INTS9: variants seen among roughly 807,000 people sequenced by gnomAD.
INTS9 encodes integrator complex subunit 9.
A neutral mutation model predicts 79.7 loss-of-function variants in INTS9; 55 were observed. The ratio of observed to expected loss-of-function variants is 0.69; its 90% CI spans 0.56 to 0.86. INTS9 has a LOEUF of 0.86. INTS9 is among the 40% of genes least tolerant of loss of function. The pLI, the probability that INTS9 is intolerant of heterozygous loss-of-function variation, is 0.00. For missense variants in INTS9, 721 were observed against 831.5 expected (o/e 0.87, Z 1.64); for synonymous variants, 319 against 325.2 (o/e 0.98, Z 0.20).
intron 6 of INTS9, among the ~76,000 whole-genome samples, chr8:28,823,679 TGAG>T (rs1346732808): frequency 4.6e-5 from 7 of 152,048 alleles, no homozygotes; most frequent in African/African-American, 1.7e-4. Context: ...ACAAACATAT[TGAG>T]GAGAGACAAG....
intron 12 of INTS9, among the ~76,000 whole-genome samples, chr8:28,779,659 T>C (rs535924118): frequency 6.6e-6 from 1 of 152,328 alleles, no homozygotes; most frequent in African/African-American, 2.4e-5. Context: ...CGCGAACACC[T>C]GCGCATCACC....
chr8:28,858,789 T>A (rs1808303743), intron 2 of INTS9, among the ~76,000 whole-genome samples: 1 of 152,368 alleles, frequency 6.6e-6, no homozygotes, highest in African/African-American at 2.4e-5. Context: ...CTTTTCCATA[T>A]CCTATCTTGT....
At chr8:28,780,334 C>G (rs1054925401) in intron 12 of INTS9, 1 of 977,258 alleles carries the variant, frequency 1.0e-6, no homozygotes, top group Admixed American at 6.4e-5. Flanking sequence ...ATTCAAAGGG[C>G]TGGGCACGCT....
chr8:28,853,528 A>T (rs1018016525), intron 2 of INTS9, among the ~76,000 whole-genome samples: 1 of 152,148 alleles, frequency 6.6e-6, no homozygotes, highest in Non-Finnish European at 1.5e-5. Flanking sequence ...TTTTACTAAC[A>T]TTTCTTAGGA....
chr8:28,882,457 A>AT (rs1262897320), intron 1 of INTS9, among the ~76,000 whole-genome samples: 4 of 145,718 alleles, frequency 2.7e-5, no homozygotes, highest in Admixed American at 1.4e-4. Flanking sequence ...AGAATGATCA[A>AT]TAAAAAAAAA....
intron 1 of INTS9, among the ~76,000 whole-genome samples, chr8:28,877,130 AT>A (rs1267821219): frequency 6.6e-6 from 1 of 152,150 alleles, no homozygotes; most frequent in African/African-American, 2.4e-5. Context: ...ATACAAAAAA[AT>A]AAATGTCTGA....
intron 3 of INTS9, among the ~76,000 whole-genome samples, chr8:28,849,111 G>A (rs1807687707): frequency 6.6e-6 from 1 of 152,190 alleles, no homozygotes; most frequent in African/African-American, 2.4e-5. Flanking sequence ...TCTATTACAA[G>A]AGAAAATGCC....
chr8:28,773,273 C>G (rs773719366), intron 14 of INTS9, among the ~76,000 whole-genome samples: 2 of 152,000 alleles, frequency 1.3e-5, no homozygotes, highest in Non-Finnish European at 2.9e-5. Flanking sequence ...ACCATCCTGG[C>G]TAACACGATG....
chr8:28,778,837 G>A (rs916371842), intron 12 of INTS9, among the ~76,000 whole-genome samples: 7 of 152,142 alleles, frequency 4.6e-5, no homozygotes, highest in African/African-American at 1.7e-4. Flanking sequence ...GAGCTGCCAG[G>A]TACATAAATG....
At chr8:28,784,821 C>G (rs1278069317) in intron 11 of INTS9, among the ~76,000 whole-genome samples, 1 of 152,094 alleles carries the variant, frequency 6.6e-6, no homozygotes, top group Non-Finnish European at 1.5e-5. Context: ...CAACACTGCC[C>G]CCTCTCATCT....
intron 1 of INTS9, among the ~76,000 whole-genome samples, chr8:28,885,606 A>G (rs1188019816): frequency 6.6e-6 from 1 of 152,230 alleles, no homozygotes; most frequent in Non-Finnish European, 1.5e-5. Flanking sequence ...CACAGGCTGC[A>G]TTCTTGAACT....
At chr8:28,871,089 G>A (rs1347928768) in intron 1 of INTS9, among the ~76,000 whole-genome samples, 1 of 152,168 alleles carries the variant, frequency 6.6e-6, no homozygotes, top group Non-Finnish European at 1.5e-5. Flanking sequence ...GCTGAGAAAA[G>A]GCTTTTCAAT....
intron 1 of INTS9, among the ~76,000 whole-genome samples, chr8:28,880,431 G>T (rs1809660795): frequency 6.6e-6 from 1 of 151,006 alleles, no homozygotes; most frequent in Non-Finnish European, 1.5e-5. Flanking sequence ...ACTGGTTTTC[G>T]TTTTTTTTTG....
intron 15 of INTS9, among the ~76,000 whole-genome samples, 156 bp downstream of exon 15, chr8:28,770,826 C>T (rs1802485491): frequency 6.6e-6 from 1 of 152,244 alleles, no homozygotes; most frequent in South Asian, 2.1e-4. Context: ...CGTGCGGCCT[C>T]ATCTCTGGGC....
At chr8:28,845,821 C>G (rs1246210161) in intron 4 of INTS9, among the ~76,000 whole-genome samples, 1 of 152,170 alleles carries the variant, frequency 6.6e-6, no homozygotes, top group East Asian at 1.9e-4. Flanking sequence ...CCTTCAATTA[C>G]CACATTTGTC....
At chr8:28,886,974 G>A (rs1205118335) in intron 1 of INTS9, among the ~76,000 whole-genome samples, 3 of 152,080 alleles carry the variant, frequency 2.0e-5, no homozygotes, top group Non-Finnish European at 2.9e-5. Flanking sequence ...CTTTTCTCAA[G>A]GGTATCCATA....
intron 1 of INTS9, among the ~76,000 whole-genome samples, chr8:28,868,154 G>A (rs1005919846): frequency 1.3e-5 from 2 of 152,244 alleles, no homozygotes; most frequent in Admixed American, 6.5e-5. Flanking sequence ...TGGTAAGAAT[G>A]CAGATGAGTT....
At chr8:28,776,977 T>C (rs768834524) in intron 13 of INTS9, among the ~76,000 whole-genome samples, 3 of 152,232 alleles carry the variant, frequency 2.0e-5, no homozygotes, top group Admixed American at 2.0e-4. Context: ...CTGTCTGCTC[T>C]CATCATACCT....
intron 2 of INTS9, among the ~76,000 whole-genome samples, chr8:28,859,140 C>T (rs1232906064): frequency 2.0e-5 from 3 of 152,152 alleles, no homozygotes; most frequent in Admixed American, 1.3e-4. Flanking sequence ...TGACCATTTA[C>T]CAGCTCTTAT....
Sources: gnomAD v4.1 joint callset for allele counts (sites outside exome capture counted in the v4.1 genomes callset) on GRCh38, gnomAD v4.1.1 for gene constraint, MANE v1.5 for transcripts, NCBI Gene and HGNC (gene_info 2026-07-23, HGNC 2026-07-21) for gene names.